SMOC2: variants seen among roughly 807,000 people sequenced by gnomAD.
SMOC2 encodes the protein SPARC related modular calcium binding 2.
A neutral mutation model predicts 61.4 loss-of-function variants in SMOC2; 39 were observed. The ratio of observed to expected loss-of-function variants is 0.64; its 90% CI spans 0.49 to 0.83. The LOEUF is 0.83. SMOC2 is among the 40% of genes least tolerant of loss of function. The probability of loss-of-function intolerance (pLI) is 0.00; values close to 1 mark genes in which losing one functional copy is unlikely to be tolerated. For missense variants in SMOC2, 556 were observed against 592.9 expected (o/e 0.94, Z 0.65); for synonymous variants, 247 against 239.9 (o/e 1.03, Z -0.27).
At chr6:168,486,492 C>T (rs1206430354) in intron 1 of SMOC2, among the ~76,000 whole-genome samples, 2 of 151,960 alleles carry the variant, frequency 1.3e-5, no homozygotes, top group East Asian at 1.9e-4. Context: ...GCTACTTCTT[C>T]CCCAAAATTT....
chr6:168,633,426 C>T (rs547697487), intron 9 of SMOC2, among the ~76,000 whole-genome samples: 3 of 152,222 alleles, frequency 2.0e-5, no homozygotes, highest in East Asian at 3.9e-4. Context: ...GCACATGGCT[C>T]GCTGCACACC....
In SMOC2 at chr6:168,447,078, C is replaced by A. The variant is rs572321191; in HGVS notation, c.84+5624C>A. Among the ~76,000 whole-genome samples the A allele has an allele frequency of 3.9e-5, 6 of 152,190 alleles. No individual in the cohort carries two copies. In the East Asian group the frequency reaches 1.2e-3, roughly 29 times the overall value. ...TTCCCCGTGGTCATCTATTTGTTTT[C>A]TTTTTTGAGACAGGGTCTTGCTCTG... is the stretch of plus-strand genomic sequence containing the variant. On this transcript the variant is annotated intron_variant, in intron 1 of 12. Transcript: ENST00000356284.
intron 11 of SMOC2, among the ~76,000 whole-genome samples, chr6:168,656,899 G>A (rs995983780): frequency 6.6e-5 from 10 of 152,346 alleles, no homozygotes; most frequent in South Asian, 2.1e-4. Context: ...ACCTATGGCC[G>A]CCTCCCTTCG....
intron 8 of SMOC2, among the ~76,000 whole-genome samples, chr6:168,602,649 G>T (rs1470025230): frequency 6.6e-6 from 1 of 152,142 alleles, no homozygotes; most frequent in Non-Finnish European, 1.5e-5. Context: ...CAGGGTCTGT[G>T]GCTAAGACAG....
At chr6:168,562,501 C>T (rs9689051) in intron 7 of SMOC2, among the ~76,000 whole-genome samples, 5,516 of 150,648 alleles carry the variant, frequency 0.037, 168 homozygotes, top group East Asian at 0.15. Context: ...ACTGCGTTTT[C>T]GGAGGAGGTG....
rs552018373 is a variant in SMOC2, at chr6:168,492,764, C to T, written c.85-17151C>T. On this transcript the variant is annotated intron_variant, in intron 1 of 12. Transcript: ENST00000356284. The stretch of plus-strand genomic sequence containing the variant: ...GACCAGAGGCACATACCTGTCCTGA[C>T]GCTCTCCCACCACCACAAAATAATT... Among the ~76,000 whole-genome samples, 329 of 152,316 alleles carry T rather than the reference C, an allele frequency of 2.2e-3. 3 individuals carry two copies. The highest frequency in any genetic ancestry group is 6.1e-3 in the Admixed American group (94 of 15,304).
chr6:168,604,897 G>A (rs896552544), intron 8 of SMOC2, among the ~76,000 whole-genome samples: 4 of 152,202 alleles, frequency 2.6e-5, no homozygotes, highest in African/African-American at 4.8e-5. Flanking sequence ...ATGAGGAGGG[G>A]CAGAGGCTTC....
rs559839912 is a variant in SMOC2, at chr6:168,470,340, A to G, written c.84+28886A>G. Reference sequence around the variant, plus strand: ...TGTTAGTGAAGCTATTTTGTGGTATATATTTGTAATAATTAATTTCCTTAA... The same window carrying G: ...TGTTAGTGAAGCTATTTTGTGGTATGTATTTGTAATAATTAATTTCCTTAA... On this transcript the variant is annotated intron_variant, in intron 1 of 12. Transcript: ENST00000356284. Among the ~76,000 whole-genome samples the G allele has an allele frequency of 3.9e-5, 6 of 152,340 alleles. No homozygotes were observed. The East Asian group carries it at 1.2e-3, about 29-fold the overall frequency.
In SMOC2 at chr6:168,658,799, G is replaced by T. The variant is rs57962340; in HGVS notation, c.1286-5275G>T. On this transcript the variant is annotated intron_variant, in intron 11 of 12. Coordinates refer to ENST00000356284, the MANE Select transcript of SMOC2 (RefSeq NM_001166412.2). ...GATGTTCTGTTCTCCTGGAGGCCCT[G>T]CTCCTAAGTCACCCTTCCAGAGGAA... 9.1e-3 allele frequency among the ~76,000 whole-genome samples: 1,387 copies of T among 152,274 alleles called. 31 individuals carry two copies. The highest frequency in any genetic ancestry group is 0.032 in the African/African-American group (1,325 of 41,540).
chr6:168,558,512 C>T (rs1390616300), intron 7 of SMOC2, among the ~76,000 whole-genome samples: 1 of 151,960 alleles, frequency 6.6e-6, no homozygotes, highest in Admixed American at 6.6e-5. Context: ...TGGTTCTCGG[C>T]CCCCCCTGTG....
chr6:168,570,387 G>A (rs73789122), intron 7 of SMOC2, among the ~76,000 whole-genome samples: 2,145 of 152,234 alleles, frequency 0.014, 48 homozygotes, highest in African/African-American at 0.049. Context: ...CGCGGGGGCC[G>A]ACTGTGGGAG....
intron 1 of SMOC2, among the ~76,000 whole-genome samples, chr6:168,446,329 C>G (rs886151940): frequency 5.9e-5 from 9 of 152,216 alleles, no homozygotes; most frequent in African/African-American, 1.9e-4. Flanking sequence ...TGCCATTGTA[C>G]TCCAGCCTGG....
At chr6:168,576,045 AC>A (rs2115150510) in intron 7 of SMOC2, among the ~76,000 whole-genome samples, 1 of 152,098 alleles carries the variant, frequency 6.6e-6, no homozygotes, top group East Asian at 1.9e-4. Context: ...TGGGTCTGAA[AC>A]CTGGTTGTCC....
intron 9 of SMOC2, among the ~76,000 whole-genome samples, chr6:168,614,396 G>A (rs1241456935): frequency 1.1e-5 from 1 of 95,108 alleles, no homozygotes; most frequent in Non-Finnish European, 2.1e-5. Context: ...CCTACAGCCA[G>A]CACAGGGCCT....
chr6:168,487,266 TTAAA>T (rs1394311182), intron 1 of SMOC2, among the ~76,000 whole-genome samples: 1 of 152,204 alleles, frequency 6.6e-6, no homozygotes, highest in Non-Finnish European at 1.5e-5. Flanking sequence ...AAGCTCCAAC[TTAAA>T]TAAACTCACA....
At chr6:168,636,833 TG>T (rs1451661259) in intron 9 of SMOC2, among the ~76,000 whole-genome samples, 2 of 148,876 alleles carry the variant, frequency 1.3e-5, no homozygotes, top group Admixed American at 6.6e-5. Context: ...TGGCCATCAG[TG>T]GGGAATATGC....
chr6:168,509,533 G>A lies in SMOC2; in HGVS notation c.85-382G>A, dbSNP rs553698440. ...TTCCAAAAGAATGGTACAATGTGAT[G>A]AATGTGGAGGCAAATTAGTCGATGA... On this transcript the variant is annotated intron_variant, in intron 1 of 12. Coordinates refer to ENST00000356284, the MANE Select transcript of SMOC2 (RefSeq NM_001166412.2). 1.1e-4 allele frequency among the ~76,000 whole-genome samples: 7 copies of A among 62,078 alleles called. No homozygotes were observed. In the South Asian group the frequency reaches 5.0e-3, roughly 44 times the overall value. 40.7% of individuals were successfully genotyped at this position (62,078 alleles called of 152,430 possible). A position where few individuals can be genotyped will look rare whatever the true frequency, so the allele number is the denominator to read the frequency against.
At chr6:168,596,339 T>C (rs369513389) in intron 7 of SMOC2, among the ~76,000 whole-genome samples, 998 of 86,286 alleles carry the variant, frequency 0.012, no homozygotes, top group South Asian at 0.026. Flanking sequence ...ACAGGTGCCA[T>C]GTGAACACGG....
chr6:168,445,247 C>T (rs1781305991), intron 1 of SMOC2, among the ~76,000 whole-genome samples: 3 of 152,172 alleles, frequency 2.0e-5, no homozygotes, highest in Admixed American at 2.0e-4. Context: ...TCCACACTGC[C>T]GTTTCACCTC....
Sources: allele counts gnomAD v4.1 joint callset (sites outside exome capture counted in the v4.1 genomes callset), GRCh38; gene constraint gnomAD v4.1.1; transcripts MANE v1.5; gene names NCBI Gene and HGNC (gene_info 2026-07-23, HGNC 2026-07-21).